The following ODF2L variants were observed in gnomAD, a reference collection of about 807,000 sequenced individuals.
ODF2L encodes the protein protein BCAP.
In ODF2L, 76 loss-of-function variants were observed where a neutral mutation model predicts 86.3. The ratio of observed to expected loss-of-function variants is 0.88; its 90% CI spans 0.73 to 1.07. The LOEUF is 1.07. Among genes scored for constraint, ODF2L ranks in the 50% least tolerant of loss-of-function variants. The probability of loss-of-function intolerance (pLI) is 0.00; values close to 1 mark genes in which losing one functional copy is unlikely to be tolerated. For missense variants in ODF2L, 748 were observed against 717.4 expected (o/e 1.04, Z -0.49); for synonymous variants, 241 against 231.3 (o/e 1.04, Z -0.38).
intron 7 of ODF2L, among the ~76,000 whole-genome samples, chr1:86,378,687 G>A (rs1660347093): frequency 6.6e-6 from 1 of 152,022 alleles, no homozygotes; most frequent in African/African-American, 2.4e-5. Flanking sequence ...GCCAAGGGGG[G>A]AAGCCCCTTA....
intron 11 of ODF2L, chr1:86,360,976 C>G (rs1202052413): frequency 6.6e-6 from 1 of 152,270 alleles, no homozygotes; most frequent in Non-Finnish European, 1.5e-5. Flanking sequence ...CTACCTGCCT[C>G]AGCCCAACAC....
intron 17 of ODF2L, 123 bp downstream of exon 16, chr1:86,352,736 T>C: frequency 1.7e-6 from 1 of 597,328 alleles, no homozygotes; most frequent in Non-Finnish European, 2.9e-6. Context: ...ATGTCTTATA[T>C]TGCTTGTTAT....
At position 86,361,993 on chromosome 1, in the gene ODF2L, G is replaced by A. The variant is rs189335035; in HGVS notation, c.1144-1457C>T. 6.8e-3 allele frequency among the ~76,000 whole-genome samples: 1,038 copies of A among 152,286 alleles called. 11 individuals carry two copies. The highest frequency in any genetic ancestry group is 0.011 in the Non-Finnish European group (748 of 68,026). On this transcript the variant is annotated intron_variant, in intron 11 of 17. Coordinates refer to ENST00000317336, the Ensembl canonical transcript of ODF2L. ...AAGCAGCTAGGAATGACATGTGGGC[G>A]AAGGCCTCCTGAGAAAGAGACTTTT...
chr1:86,394,340 C>A (rs1271114403), intron 1 of ODF2L, among the ~76,000 whole-genome samples: 2 of 149,230 alleles, frequency 1.3e-5, no homozygotes, highest in South Asian at 2.1e-4. Flanking sequence ...CACTTGAACC[C>A]GGGAGGCGGA....
chr1:86,384,913 TGC>T, intron 3 of ODF2L, 112 bp from the exon 4 acceptor site: 2 of 750,308 alleles, frequency 2.7e-6, no homozygotes, highest in Non-Finnish European at 3.7e-6. Flanking sequence ...CATTCTTTTG[TGC>T]ATAGTAATAA....
At chr1:86,362,259 C>T (rs997379304) in intron 11 of ODF2L, among the ~76,000 whole-genome samples, 10 of 151,310 alleles carry the variant, frequency 6.6e-5, no homozygotes, top group Non-Finnish European at 1.0e-4. Context: ...GGCAGTGACA[C>T]GATCTGACTA....
chr1:86,373,418 A>G (rs1386693381), intron 8 of ODF2L, among the ~76,000 whole-genome samples: 2 of 150,508 alleles, frequency 1.3e-5, no homozygotes. Flanking sequence ...CTAGGGCTAC[A>G]AATGTCTGCC....
intron 14 of ODF2L, chr1:86,356,048 G>A (rs763356413): frequency 2.7e-5 from 6 of 219,442 alleles, no homozygotes; most frequent in African/African-American, 7.1e-5. Context: ...GAAACAGACT[G>A]AAAAATATCC....
chr1:86,352,364 A>C (rs1056163586), intron 17 of ODF2L, among the ~76,000 whole-genome samples: 3 of 152,266 alleles, frequency 2.0e-5, no homozygotes, highest in South Asian at 2.1e-4. Context: ...AATTAAGCAC[A>C]GTCACTTTGG....
chr1:86,382,837 T>C, intron 6 of ODF2L, 94 bp downstream of exon 6: 1 of 698,270 alleles, frequency 1.4e-6, no homozygotes, highest in Non-Finnish European at 2.6e-6. Context: ...CACTTTTCTG[T>C]GTTTATTTCT....
intron 1 of ODF2L, among the ~76,000 whole-genome samples, chr1:86,395,520 A>G (rs1661672170): frequency 6.6e-6 from 1 of 151,986 alleles, no homozygotes; most frequent in Admixed American, 6.5e-5. Context: ...ACTCTCCACG[A>G]CCCTAGGTCA....
intron 15 of ODF2L, 34 bp downstream of exon 14, chr1:86,354,740 A>G (rs747774008): frequency 6.5e-7 from 1 of 1,539,462 alleles, no homozygotes; most frequent in Admixed American, 1.7e-5. Context: ...GCAGAGAAAT[A>G]TGCAGCAGCA....
chr1:86,356,580 T>G (rs927332316), exon 14 of ODF2L: 7 of 1,613,876 alleles, frequency 4.3e-6, no homozygotes, highest in Non-Finnish European at 5.9e-6. Flanking sequence ...CTCCTTCAGA[T>G]GAGACTCCAT....
chr1:86,361,238 A>G (rs967959165), intron 11 of ODF2L, among the ~76,000 whole-genome samples: 2 of 152,222 alleles, frequency 1.3e-5, no homozygotes, highest in Non-Finnish European at 2.9e-5. Context: ...CACAGCAATA[A>G]GAGTAGCAAG....
intron 11 of ODF2L, among the ~76,000 whole-genome samples, chr1:86,365,507 CAG>C (rs2100934558): frequency 6.6e-6 from 1 of 152,030 alleles, no homozygotes; most frequent in East Asian, 1.9e-4. Flanking sequence ...GAGAATAAAA[CAG>C]AATGAAAAAT....
chr1:86,355,600 G>T (rs939923087), intron 14 of ODF2L, among the ~76,000 whole-genome samples: 1 of 152,034 alleles, frequency 6.6e-6, no homozygotes, highest in South Asian at 2.1e-4. Context: ...GTGTCATGGG[G>T]GTTTGTTGTA....
exon 3 of ODF2L, chr1:86,385,511 C>G: frequency 6.2e-7 from 1 of 1,603,996 alleles, no homozygotes; most frequent in Non-Finnish European, 8.5e-7. Flanking sequence ...AAAAGCAATT[C>G]TACAGAATGA....
chr1:86,375,705 T>C (rs1660120916), intron 8 of ODF2L, among the ~76,000 whole-genome samples: 1 of 152,198 alleles, frequency 6.6e-6, no homozygotes, highest in Non-Finnish European at 1.5e-5. Flanking sequence ...ATTAGGTTAA[T>C]TACTGAATAA....
In ODF2L at chr1:86,382,046, C is replaced by G. The variant is rs560901926; in HGVS notation, c.624+196G>C. 1.8e-5 allele frequency: 11 copies of G among 612,802 alleles called. No individual in the cohort carries two copies. The Admixed American group carries it at 4.5e-4, about 25-fold the overall frequency. The allele number at this position is 612,802 out of a possible 1,614,324, so 38.0% of individuals were successfully genotyped here. On this transcript the variant is annotated intron_variant, in intron 7 of 17. Transcript: ENST00000317336. Reference sequence around the variant, plus strand: ...TTCCTAGATTGGTATTAAACAGAGACAGCATTTTTATGTTGAAATTTGTAC... The same window carrying G: ...TTCCTAGATTGGTATTAAACAGAGAGAGCATTTTTATGTTGAAATTTGTAC...
Sources: gnomAD v4.1 joint callset for allele counts (sites outside exome capture counted in the v4.1 genomes callset) on GRCh38, gnomAD v4.1.1 for gene constraint, MANE v1.5 for transcripts, NCBI Gene and HGNC (gene_info 2026-07-23, HGNC 2026-07-21) for gene names.